KCNIP4: variants seen among roughly 807,000 people sequenced by gnomAD.
The protein encoded by KCNIP4 is potassium voltage-gated channel interacting protein 4.
Under a neutral mutation model 34.0 loss-of-function variants are expected in KCNIP4, and 12 were observed. That is an observed-to-expected ratio of 0.35 (90% CI 0.23 to 0.57). The LOEUF is 0.57. Among genes scored for constraint, KCNIP4 ranks in the 20% least tolerant of loss-of-function variants. The pLI, the probability that KCNIP4 is intolerant of heterozygous loss-of-function variation, is 0.83. For synonymous variants in KCNIP4, 124 were observed against 102.2 expected, an observed-to-expected ratio of 1.21 and a Z score of -1.29; for missense variants, 238 against 311.7, an observed-to-expected ratio of 0.76 and a Z score of 1.78.
chr4:21,459,439 C>A (rs1464171398), intron 1 of KCNIP4, among the ~76,000 whole-genome samples: 1 of 151,980 alleles, frequency 6.6e-6, no homozygotes, highest in African/African-American at 2.4e-5. Flanking sequence ...GAAGCAGTAC[C>A]CCAGGGACTA....
chr4:21,524,821 G>T (rs751602197), intron 1 of KCNIP4, among the ~76,000 whole-genome samples: 2 of 151,772 alleles, frequency 1.3e-5, no homozygotes, highest in East Asian at 3.9e-4. Context: ...TGCATCATGC[G>T]TAGTGCCTTG....
intron 1 of KCNIP4, among the ~76,000 whole-genome samples, chr4:21,666,357 G>A (rs1015143258): frequency 2.6e-5 from 4 of 152,086 alleles, no homozygotes; most frequent in African/African-American, 7.2e-5. Context: ...TCATTGCAAC[G>A]GATCATCTCC....
chr4:21,166,064 C>G (rs1332666467), intron 1 of KCNIP4, among the ~76,000 whole-genome samples: 1 of 152,144 alleles, frequency 6.6e-6, no homozygotes. Flanking sequence ...TGATCTTAGA[C>G]TTTTCAACCT....
At chr4:21,797,234 C>T (rs757861176) in intron 1 of KCNIP4, among the ~76,000 whole-genome samples, 26 of 152,166 alleles carry the variant, frequency 1.7e-4, no homozygotes, top group Non-Finnish European at 3.5e-4. Flanking sequence ...TGCAGCTTCA[C>T]GCGTCTACGC....
chr4:21,186,322 T>A (rs187606976), intron 1 of KCNIP4, among the ~76,000 whole-genome samples: 1 of 152,296 alleles, frequency 6.6e-6, no homozygotes, highest in Non-Finnish European at 1.5e-5. Flanking sequence ...TGGCAACACC[T>A]ACAAATACTG....
intron 1 of KCNIP4, among the ~76,000 whole-genome samples, chr4:21,777,697 T>C (rs1009067168): frequency 6.6e-6 from 1 of 152,196 alleles, no homozygotes; most frequent in African/African-American, 2.4e-5. Context: ...CTGATATAAT[T>C]TATAGGCAAA....
intron 3 of KCNIP4, 97 bp downstream of exon 3, chr4:20,850,446 G>A: frequency 8.1e-7 from 1 of 1,238,038 alleles, no homozygotes; most frequent in Non-Finnish European, 1.1e-6. Context: ...CATATGATGG[G>A]GCTCTCATAG....
chr4:21,233,953 C>A (rs973029775), intron 1 of KCNIP4, among the ~76,000 whole-genome samples: 1 of 136,390 alleles, frequency 7.3e-6, no homozygotes, highest in African/African-American at 2.7e-5. Context: ...TTACATATAA[C>A]ATATATAACA....
intron 1 of KCNIP4, among the ~76,000 whole-genome samples, chr4:21,576,857 GTTAA>G (rs1324051237): frequency 6.6e-6 from 1 of 151,848 alleles, no homozygotes; most frequent in Non-Finnish European, 1.5e-5. Context: ...ACTTAATTAG[GTTAA>G]TTAAAATACT....
At chr4:21,748,798 T>G (rs753275920) in intron 1 of KCNIP4, among the ~76,000 whole-genome samples, 1 of 152,078 alleles carries the variant, frequency 6.6e-6, no homozygotes, top group African/African-American at 2.4e-5. Flanking sequence ...CTTTTTAGTG[T>G]TTCTGATTGA....
At chr4:21,247,613 ATT>A (rs1256190702) in intron 1 of KCNIP4, among the ~76,000 whole-genome samples, 64 of 139,254 alleles carry the variant, frequency 4.6e-4, no homozygotes, top group Middle Eastern at 3.7e-3. Context: ...TGGTATATAT[ATT>A]TATATCTATA....
At chr4:21,625,386 T>C (rs2109188775) in intron 1 of KCNIP4, among the ~76,000 whole-genome samples, 1 of 152,238 alleles carries the variant, frequency 6.6e-6, no homozygotes, top group South Asian at 2.1e-4. Context: ...ATCCCATTTG[T>C]AAAATTGAGG....
chr4:20,966,354 T>C (rs1206968446), intron 1 of KCNIP4, among the ~76,000 whole-genome samples: 9 of 152,230 alleles, frequency 5.9e-5, no homozygotes, highest in Non-Finnish European at 1.2e-4. Flanking sequence ...CTTAATTATG[T>C]TCAAATATCT....
chr4:21,691,022 TG>T (rs1485762361), intron 1 of KCNIP4, among the ~76,000 whole-genome samples: 2 of 152,160 alleles, frequency 1.3e-5, no homozygotes, highest in African/African-American at 4.8e-5. Flanking sequence ...CCCACAGATA[TG>T]ATTAGCTTGC....
chr4:21,029,329 G>A (rs376816859), intron 1 of KCNIP4, among the ~76,000 whole-genome samples: 14 of 152,104 alleles, frequency 9.2e-5, no homozygotes, highest in South Asian at 4.2e-4. Flanking sequence ...TGTTATATTC[G>A]TTCCTACCTC....
chr4:21,367,106 G>T (rs1719857492), intron 1 of KCNIP4, among the ~76,000 whole-genome samples: 1 of 152,080 alleles, frequency 6.6e-6, no homozygotes, highest in Admixed American at 6.6e-5. Flanking sequence ...AAAGTGGAGA[G>T]AACAGCCCTT....
At position 20,729,909 on chromosome 4, in the gene KCNIP4, T is replaced by TTATAACTGAAAGCTCAAATC; in HGVS notation, c.*153_*172dup. ...GTGGCATTATGAAAAGGATGCAAAT[T>TTATAACTGAAAGCTCAAATC]TATAACTGAAAGCTCAAATCTTTTG... is the stretch of plus-strand genomic sequence containing the variant. On this transcript the variant is annotated 3_prime_UTR_variant, in exon 9 of 9. Coordinates refer to ENST00000382152, the MANE Select transcript of KCNIP4 (RefSeq NM_025221.6). The TTATAACTGAAAGCTCAAATC allele has an allele frequency of 1.5e-6, 1 of 660,136 alleles. No homozygotes were observed. The highest frequency in any genetic ancestry group is 2.3e-6 in the Non-Finnish European group (1 of 433,840). 40.9% of individuals were successfully genotyped at this position (660,136 alleles called of 1,614,324 possible).
At chr4:21,601,916 T>C (rs1387974621) in intron 1 of KCNIP4, among the ~76,000 whole-genome samples, 2 of 152,254 alleles carry the variant, frequency 1.3e-5, no homozygotes, top group East Asian at 3.9e-4. Flanking sequence ...CTAAGTGTCC[T>C]CCCCATATTT....
chr4:21,627,579 T>C (rs967615405), intron 1 of KCNIP4, among the ~76,000 whole-genome samples: 5 of 152,178 alleles, frequency 3.3e-5, no homozygotes, highest in African/African-American at 1.2e-4. Flanking sequence ...TTTTACCTTA[T>C]TATTAACCTA....
Sources: gnomAD v4.1 joint callset for allele counts (sites outside exome capture counted in the v4.1 genomes callset) on GRCh38, gnomAD v4.1.1 for gene constraint, MANE v1.5 for transcripts, NCBI Gene and HGNC (gene_info 2026-07-23, HGNC 2026-07-21) for gene names.